SLC26A8: variants seen among roughly 807,000 people sequenced by gnomAD.
SLC26A8 encodes the protein solute carrier family 26 member 8.
In SLC26A8, 70 loss-of-function variants were observed where a neutral mutation model predicts 105.0. That is an observed-to-expected ratio of 0.67 (90% CI 0.55 to 0.81). The LOEUF (loss-of-function observed/expected upper bound fraction) is 0.81. Among genes scored for constraint, SLC26A8 ranks in the 40% least tolerant of loss-of-function variants. The pLI, the probability that SLC26A8 is intolerant of heterozygous loss-of-function variation, is 0.00. For missense variants in SLC26A8, 998 were observed against 1,181.8 expected (o/e 0.84, Z 2.28); for synonymous variants, 415 against 438.3 (o/e 0.95, Z 0.66).
Position 35,981,644 on chromosome 6 carries a change from C to G in SLC26A8, c.1025+477G>C, listed in dbSNP as rs1215998476. ...TCCAGCCTAGGCAACAGAGTGAGAA[C>G]CTGTCTCAAAAATAAATAAATAAAT... is the stretch of plus-strand genomic sequence containing the variant. On this transcript the variant is annotated intron_variant, in intron 8 of 19. Transcript: ENST00000490799. This position sits in a 1 kb window ranked among gnomAD's most constrained non-coding sequence, Gnocchi z 4.0. 2.0e-5 allele frequency among the ~76,000 whole-genome samples: 3 copies of G among 152,018 alleles called. No individual in the cohort carries two copies. Among genetic ancestry groups the G allele is most frequent in the African/African-American group, 4.8e-5 (2 of 41,370 alleles).
intron 7 of SLC26A8, among the ~76,000 whole-genome samples, chr6:35,986,623 A>G (rs934600077): frequency 3.3e-5 from 5 of 152,122 alleles, no homozygotes; most frequent in Admixed American, 3.3e-4. Context: ...TGCCTGGCTT[A>G]TTTCACTTAA....
At chr6:35,988,448 A>G (rs1218218554) in intron 7 of SLC26A8, among the ~76,000 whole-genome samples, 1 of 152,130 alleles carries the variant, frequency 6.6e-6, no homozygotes, top group Non-Finnish European at 1.5e-5. Context: ...AGCCTGGCCA[A>G]CATGGCGAAA....
intron 7 of SLC26A8, among the ~76,000 whole-genome samples, chr6:35,987,402 C>T (rs146716576): frequency 6.5e-4 from 99 of 152,252 alleles, no homozygotes; most frequent in African/African-American, 2.1e-3. Context: ...GAGACAGAGT[C>T]TTGCTGTCTC....
At chr6:36,021,384 C>T (rs1309311900) in intron 1 of SLC26A8, among the ~76,000 whole-genome samples, 2 of 152,024 alleles carry the variant, frequency 1.3e-5, no homozygotes, top group Non-Finnish European at 2.9e-5. Flanking sequence ...TTACTTTCCC[C>T]GTATAATTGT....
At position 35,959,673 on chromosome 6, in the gene SLC26A8, G is replaced by A. The variant is rs1346255671; in HGVS notation, c.1731+41C>T. 5 of 1,604,250 alleles carry A rather than the reference G, an allele frequency of 3.1e-6. No homozygotes were observed. The African/African-American group carries it at 4.0e-5, about 13-fold the overall frequency. On this transcript the variant is annotated intron_variant, in intron 15 of 19. Transcript: ENST00000490799. The stretch of plus-strand genomic sequence containing the variant: ...AGTGGGAGAGAGATGCCAGTGGCGG[G>A]GAGTGGGCAGGTTGAGAAAGGCGGG...
At chr6:35,955,931 G>C (rs1772042970) in intron 16 of SLC26A8, among the ~76,000 whole-genome samples, 1 of 151,978 alleles carries the variant, frequency 6.6e-6, no homozygotes, top group Non-Finnish European at 1.5e-5. Flanking sequence ...TCTCCTTTCA[G>C]ACTTCCTTAA....
intron 1 of SLC26A8, 105 bp from the exon 2 acceptor site, chr6:36,019,814 G>A (rs781490969): frequency 9.8e-7 from 1 of 1,024,566 alleles, no homozygotes; most frequent in Non-Finnish European, 1.4e-6. Flanking sequence ...TTTTACACTT[G>A]CATAGCATCT....
chr6:35,970,534 G>T (rs1281394034), intron 10 of SLC26A8, among the ~76,000 whole-genome samples: 1 of 152,210 alleles, frequency 6.6e-6, no homozygotes, highest in Non-Finnish European at 1.5e-5. Flanking sequence ...TCTCCAGCCA[G>T]GTGACATGTC....
In SLC26A8 at chr6:35,981,588, G is replaced by A. The variant is rs1157537721; in HGVS notation, c.1025+533C>T. 6.6e-6 allele frequency among the ~76,000 whole-genome samples: 1 copy of A among 152,162 alleles called. No individual in the cohort carries two copies. The highest frequency in any genetic ancestry group is 1.5e-5 in the Non-Finnish European group (1 of 68,034). ...GATCACTTGAGCCTGAGAATTCAAG[G>A]CTGCAGTGAGCCATGATTGCGCCAC... On this transcript the variant is annotated intron_variant, in intron 8 of 19. Coordinates refer to ENST00000490799, the MANE Select transcript of SLC26A8 (RefSeq NM_052961.4). The surrounding 1 kb of genome is among the most constrained non-coding windows in gnomAD (Gnocchi z 4.0).
chr6:35,997,219 C>T (rs1761380061), intron 5 of SLC26A8, among the ~76,000 whole-genome samples: 1 of 152,134 alleles, frequency 6.6e-6, no homozygotes, highest in African/African-American at 2.4e-5. Context: ...TGCCTGAGCT[C>T]TCCACCTTCT....
In SLC26A8 at chr6:35,997,672, G is replaced by A. The variant is rs1761393627; in HGVS notation, c.627+66C>T. On this transcript the variant is annotated intron_variant, in intron 5 of 19. Coordinates refer to ENST00000490799, the MANE Select transcript of SLC26A8 (RefSeq NM_052961.4). ...ACAGTGGATCACAGGAGCAGTATAA[G>A]GAAGGGGTCTGTTTATAGCCCCTTT... 2.7e-6 allele frequency: 4 copies of A among 1,475,764 alleles called. No individual in the cohort carries two copies. In the Admixed American group the frequency reaches 8.4e-5, roughly 31 times the overall value. 91.4% of individuals were successfully genotyped at this position (1,475,764 alleles called of 1,614,324 possible). A position where few individuals can be genotyped will look rare whatever the true frequency, so the allele number is the denominator to read the frequency against.
At position 35,944,047 on chromosome 6, in the gene SLC26A8, A is replaced by G; in HGVS notation, c.2766T>C (p.Thr922=). ...TAGGCCAGTAACGCTGCTGAGGAAA[A>G]GTGTGAGCTCTTGGCCTAGATTTGG... is the stretch of plus-strand genomic sequence containing the variant. The part of the protein sequence containing the change: ...PNPKSRPRAH[T]FPQQRYWPMY... Residue 922 remains threonine (T), a synonymous_variant, in exon 20 of 20, where the codon ACT becomes ACC. Coordinates refer to ENST00000490799, the MANE Select transcript of SLC26A8 (RefSeq NM_052961.4). 6.2e-7 allele frequency: 1 copy of G among 1,614,050 alleles called. No individual in the cohort carries two copies. Among genetic ancestry groups the G allele is most frequent in the Non-Finnish European group, 8.5e-7 (1 of 1,179,986 alleles).
chr6:35,983,496 T>C (rs1338773284), intron 7 of SLC26A8, among the ~76,000 whole-genome samples: 2 of 152,162 alleles, frequency 1.3e-5, no homozygotes, highest in Non-Finnish European at 2.9e-5. Context: ...ATAGTCTACC[T>C]GGATCTCAGT....
intron 2 of SLC26A8, among the ~76,000 whole-genome samples, chr6:36,013,121 C>T (rs112193025): frequency 4.6e-5 from 7 of 151,822 alleles, no homozygotes; most frequent in South Asian, 2.1e-4. Context: ...TAAAATAAGA[C>T]TTTATTATCC....
intron 9 of SLC26A8, among the ~76,000 whole-genome samples, chr6:35,976,131 A>G (rs1039296664): frequency 6.6e-6 from 1 of 151,912 alleles, no homozygotes; most frequent in African/African-American, 2.4e-5. Flanking sequence ...GTGCTACCCT[A>G]AAGGTCAAAT....
chr6:35,948,818 G>C (rs1245905129), intron 19 of SLC26A8, among the ~76,000 whole-genome samples: 1 of 152,160 alleles, frequency 6.6e-6, no homozygotes. Context: ...TAAGAGGTGA[G>C]GCCTTTGGGG....
At chr6:35,952,842 C>T (rs919086530) in intron 17 of SLC26A8, among the ~76,000 whole-genome samples, 5 of 151,692 alleles carry the variant, frequency 3.3e-5, no homozygotes, top group Non-Finnish European at 7.4e-5. Context: ...GGTGAAACCC[C>T]GTCTCTACTA....
chr6:35,977,500 G>T, intron 8 of SLC26A8, 149 bp from the exon 9 acceptor site: 1 of 767,160 alleles, frequency 1.3e-6, no homozygotes, highest in Non-Finnish European at 1.9e-6. Context: ...GCAGCAGCCT[G>T]CCAAAACTGC....
chr6:35,953,000 C>A (rs1581624956), intron 17 of SLC26A8, among the ~76,000 whole-genome samples: 4 of 99,990 alleles, frequency 4.0e-5, no homozygotes, highest in African/African-American at 1.2e-4. Flanking sequence ...GGCGACACAG[C>A]AAGATGCTGT....
Sources: allele counts gnomAD v4.1 joint callset (sites outside exome capture counted in the v4.1 genomes callset), GRCh38; gene constraint gnomAD v4.1.1; non-coding constraint Gnocchi (gnomAD v3.1); transcripts MANE v1.5; gene names NCBI Gene and HGNC (gene_info 2026-07-23, HGNC 2026-07-21).